The following ABCC4 variants were observed in gnomAD, a reference collection of about 807,000 sequenced individuals.
ABCC4 encodes ATP-binding cassette sub-family C member 4.
A neutral mutation model predicts 168.5 loss-of-function variants in ABCC4; 102 were observed. That is an observed-to-expected ratio of 0.61 (90% CI 0.52 to 0.71). The LOEUF (loss-of-function observed/expected upper bound fraction) is 0.71. Ranked by LOEUF, ABCC4 falls within the 30% of genes least tolerant of loss-of-function variation. ABCC4 has a pLI of 0.00. For synonymous variants in ABCC4, 617 were observed against 590.7 expected, an observed-to-expected ratio of 1.04 and a Z score of -0.65; for missense variants, 1,402 against 1,605.8, an observed-to-expected ratio of 0.87 and a Z score of 2.17.
intron 1 of ABCC4, chr13:95,269,550 G>A (rs993257404): frequency 6.4e-6 from 1 of 156,536 alleles, no homozygotes; most frequent in African/African-American, 2.4e-5. Flanking sequence ...GGAGGAGCCT[G>A]GAATTGAGAC....
chr13:95,096,799 G>A (rs2034614778), intron 20 of ABCC4, among the ~76,000 whole-genome samples: 1 of 152,180 alleles, frequency 6.6e-6, no homozygotes, highest in South Asian at 2.1e-4. Flanking sequence ...CAGCCTGAAA[G>A]GAAGTTCTTC....
rs370210029 is a variant in ABCC4 at position 95,043,701 on chromosome 13, A to C, written c.3716T>G (p.Ile1239Ser). 1 of 1,613,502 alleles carries C rather than the reference A, an allele frequency of 6.2e-7. No individual in the cohort carries two copies. Among genetic ancestry groups the C allele is most frequent in the Non-Finnish European group, 8.5e-7 (1 of 1,179,592 alleles). The change falls in exon 29 of 31, where the codon ATT (isoleucine) becomes AGT (serine). Residue 1239 changes from isoleucine (I) to serine (S), a missense_variant. This residue lies in a region of ABCC4 where 1,007 missense variants were observed against 1,127.3 expected (regional missense o/e 0.89). Coordinates refer to ENST00000645237, the MANE Select transcript of ABCC4 (RefSeq NM_005845.5). ...ACTCACCATTATCTTGTCGCTGTCA[A>C]TAATGGTGTTCAATCTGTGTGCAAT... ...LTIAHRLNTI[I>S]DSDKIMVLDS...
At chr13:95,299,827 C>T (rs564941405) in intron 1 of ABCC4, among the ~76,000 whole-genome samples, 1 of 151,922 alleles carries the variant, frequency 6.6e-6, no homozygotes, top group Admixed American at 6.6e-5. Flanking sequence ...AGTTAGCAGA[C>T]GGAATTCCCC....
At chr13:95,062,207 G>A (rs1282155162) in intron 26 of ABCC4, among the ~76,000 whole-genome samples, 5 of 152,098 alleles carry the variant, frequency 3.3e-5, no homozygotes, top group African/African-American at 1.2e-4. Context: ...CATTCACCAA[G>A]AGCTAGATTC....
At chr13:95,280,213 C>G (rs957928074) in intron 1 of ABCC4, among the ~76,000 whole-genome samples, 1 of 151,868 alleles carries the variant, frequency 6.6e-6, no homozygotes, top group Admixed American at 6.6e-5. Flanking sequence ...ATCAGGAGTT[C>G]GAGACCACCC....
At chr13:95,256,111 G>C (rs1349466741) in intron 1 of ABCC4, among the ~76,000 whole-genome samples, 1 of 152,078 alleles carries the variant, frequency 6.6e-6, no homozygotes, top group African/African-American at 2.4e-5. Context: ...TTTTTTAAGA[G>C]ACAGGTTCTC....
At chr13:95,271,877 C>T (rs73548830) in intron 1 of ABCC4, among the ~76,000 whole-genome samples, 1,843 of 152,226 alleles carry the variant, frequency 0.012, 33 homozygotes, top group African/African-American at 0.041. Flanking sequence ...CTCCTAACCA[C>T]CCAAGAAGTC....
At chr13:95,162,550 T>C (rs1300387644) in intron 18 of ABCC4, among the ~76,000 whole-genome samples, 3 of 152,152 alleles carry the variant, frequency 2.0e-5, no homozygotes, top group African/African-American at 4.8e-5. Flanking sequence ...AGGTAAGAAA[T>C]AGAAGGCATC....
intron 29 of ABCC4, among the ~76,000 whole-genome samples, chr13:95,034,977 C>T (rs1230234841): frequency 6.6e-6 from 1 of 152,124 alleles, no homozygotes; most frequent in Non-Finnish European, 1.5e-5. Context: ...GACTATTATT[C>T]TGGGCACTCA....
At chr13:95,094,400 CA>C (rs1408018216) in intron 20 of ABCC4, among the ~76,000 whole-genome samples, 1 of 152,064 alleles carries the variant, frequency 6.6e-6, no homozygotes, top group African/African-American at 2.4e-5. Context: ...ACAAAGCAAA[CA>C]AAATCATAAA....
intron 1 of ABCC4, among the ~76,000 whole-genome samples, chr13:95,258,020 G>A (rs2040435621): frequency 6.6e-6 from 1 of 152,148 alleles, no homozygotes; most frequent in African/African-American, 2.4e-5. Flanking sequence ...GCGCCAACAT[G>A]CCTTTCCAGG....
At chr13:95,108,195 GA>G (rs1229044201) in intron 20 of ABCC4, among the ~76,000 whole-genome samples, 1 of 151,952 alleles carries the variant, frequency 6.6e-6, no homozygotes, top group Admixed American at 6.5e-5. Context: ...CAGGGGGTAA[GA>G]AAAAAAGGCT....
At chr13:95,039,739 A>G (rs2139233653) in intron 29 of ABCC4, among the ~76,000 whole-genome samples, 1 of 152,402 alleles carries the variant, frequency 6.6e-6, no homozygotes, top group South Asian at 2.1e-4. Flanking sequence ...AGATATAAAA[A>G]TTAAGTGAAC....
At chr13:95,135,122 G>A (rs2036103026) in intron 19 of ABCC4, among the ~76,000 whole-genome samples, 1 of 152,146 alleles carries the variant, frequency 6.6e-6, no homozygotes, top group Non-Finnish European at 1.5e-5. Flanking sequence ...TTGATGGTGG[G>A]TAGGAGAGAC....
intron 20 of ABCC4, among the ~76,000 whole-genome samples, chr13:95,090,205 G>A (rs2034387012): frequency 6.6e-6 from 1 of 152,132 alleles, no homozygotes; most frequent in Non-Finnish European, 1.5e-5. Context: ...GGAAGACAAA[G>A]GGCATATAAT....
chr13:95,297,421 T>C (rs936513954), intron 1 of ABCC4, among the ~76,000 whole-genome samples: 6 of 152,126 alleles, frequency 3.9e-5, no homozygotes. Context: ...ATACTTTGAA[T>C]AAAAGTCAGT....
At chr13:95,025,950 C>G (rs1385044289) in intron 30 of ABCC4, among the ~76,000 whole-genome samples, 1 of 152,174 alleles carries the variant, frequency 6.6e-6, no homozygotes, top group African/African-American at 2.4e-5. Flanking sequence ...GGTGCAATGG[C>G]TCACACCTGT....
chr13:95,265,567 T>C (rs1451862686), intron 1 of ABCC4, among the ~76,000 whole-genome samples: 1 of 151,976 alleles, frequency 6.6e-6, no homozygotes. Flanking sequence ...GTCCAGGAAT[T>C]TGGGCAAGTA....
intron 19 of ABCC4, among the ~76,000 whole-genome samples, chr13:95,145,804 T>C (rs2036474423): frequency 6.6e-6 from 1 of 152,130 alleles, no homozygotes; most frequent in Admixed American, 6.6e-5. Flanking sequence ...TGCAGCAACA[T>C]GGATGGAGCT....
Sources: allele counts gnomAD v4.1 joint callset (sites outside exome capture counted in the v4.1 genomes callset), GRCh38; gene constraint gnomAD v4.1.1; regional missense constraint gnomAD v4.1.1; transcripts MANE v1.5; gene names NCBI Gene and HGNC (gene_info 2026-07-23, HGNC 2026-07-21).